POLH: variants seen among roughly 807,000 people sequenced by gnomAD.
POLH encodes the protein DNA polymerase eta.
Under a neutral mutation model 73.6 loss-of-function variants are expected in POLH, and 53 were observed. The observed-to-expected ratio is 0.72, with a 90% CI of 0.58 to 0.91. The LOEUF (loss-of-function observed/expected upper bound fraction) is 0.91, where lower values mean the gene tolerates loss of function less well. Among genes scored for constraint, POLH ranks in the 40% least tolerant of loss-of-function variants. The pLI, the probability that POLH is intolerant of heterozygous loss-of-function variation, is 0.00. For synonymous variants in POLH, 292 were observed against 308.5 expected (o/e 0.95, Z 0.56); for missense variants, 768 against 865.4 (o/e 0.89, Z 1.41).
At chr6:43,582,126 A>G (rs924889165) in intron 1 of POLH, among the ~76,000 whole-genome samples, 190 bp from the exon 2 acceptor site, 1 of 152,158 alleles carries the variant, frequency 6.6e-6, no homozygotes, top group African/African-American at 2.4e-5. Context: ...GCAAAATCTC[A>G]AGCACTTTGG....
rs766501332 is a variant in POLH, at chr6:43,583,149, A to G, written c.272+8A>G. ...GAAAGCTAACCTCACCAAGTAAGAA[A>G]AAAACATTATTTAAGGAGACATAAA... On this transcript the variant is annotated splice_region_variant and intron_variant, in intron 3 of 10. Transcript: ENST00000372236. 6.2e-7 allele frequency: 1 copy of G among 1,613,486 alleles called. No individual in the cohort carries two copies. The highest frequency in any genetic ancestry group is 2.2e-5 in the East Asian group (1 of 44,894).
intron 9 of POLH, among the ~76,000 whole-genome samples, chr6:43,607,444 C>T (rs1767429298): frequency 6.6e-6 from 1 of 152,070 alleles, no homozygotes; most frequent in African/African-American, 2.4e-5. Flanking sequence ...TTAATATATA[C>T]CATATTTTGC....
chr6:43,598,941 C>G (rs1333185232), intron 5 of POLH, among the ~76,000 whole-genome samples: 1 of 148,458 alleles, frequency 6.7e-6, no homozygotes, highest in East Asian at 2.0e-4. Flanking sequence ...AGTCTTTGCA[C>G]TTACATACAT....
rs982065916 is a variant in POLH, at chr6:43,614,724, A to C, written c.*167A>C. 4.4e-5 allele frequency: 27 copies of C among 618,742 alleles called. No homozygotes were observed. Among genetic ancestry groups the C allele is most frequent in the Non-Finnish European group, 7.2e-5 (26 of 362,426 alleles). The allele number at this position is 618,742 out of a possible 1,614,324, so 38.3% of individuals were successfully genotyped here. A position where few individuals can be genotyped will look rare whatever the true frequency, so the allele number is the denominator to read the frequency against. ...GTTACGGTCCCATCTCTTCACAGGCATGGATTCTAATCCCACTGCTGACAG... is the reference window on the plus strand; with the variant it reads ...GTTACGGTCCCATCTCTTCACAGGCCTGGATTCTAATCCCACTGCTGACAG... On this transcript the variant is annotated 3_prime_UTR_variant, in exon 11 of 11. Coordinates refer to ENST00000372236, the MANE Select transcript of POLH (RefSeq NM_006502.3).
chr6:43,578,519 T>C (rs1298647178), intron 1 of POLH: 4 of 343,380 alleles, frequency 1.2e-5, no homozygotes, highest in Non-Finnish European at 2.2e-5. Context: ...AGCGAGACTT[T>C]GTCTCAAAAA....
intron 9 of POLH, 124 bp downstream of exon 9, chr6:43,605,443 CTTTTTTTTTT>C (rs540143863): frequency 1.0e-4 from 31 of 296,264 alleles, no homozygotes; most frequent in African/African-American, 9.6e-4. Flanking sequence ...CGTTTTCTTT[CTTTTTTTTTT>C]TTTTTTTTTT....
chr6:43,591,383 G>C (rs779085784), intron 4 of POLH: 3 of 152,050 alleles, frequency 2.0e-5, no homozygotes, highest in Non-Finnish European at 4.4e-5. Flanking sequence ...GCAGTTGTGA[G>C]ATCTTGGCAC....
At position 43,614,771 on chromosome 6, in the gene POLH, CAG is replaced by C; in HGVS notation, c.*217_*218del. On this transcript the variant is annotated 3_prime_UTR_variant, in exon 11 of 11. Transcript: ENST00000372236. The stretch of plus-strand genomic sequence containing the variant: ...ACAGAGATGTAAAAATTCATCCTAC[CAG>C]AGTTTTTAATCTTTAGCATTTAGGG... 1 of 539,726 alleles carries C rather than the reference CAG, an allele frequency of 1.9e-6. No individual in the cohort carries two copies. Among genetic ancestry groups the C allele is most frequent in the Non-Finnish European group, 3.2e-6 (1 of 309,794 alleles). 33.4% of individuals were successfully genotyped at this position (539,726 alleles called of 1,614,324 possible).
Position 43,604,702 on chromosome 6 carries a change from C to T in POLH, c.972C>T (p.Asn324=). 1 of 1,614,120 alleles carries T rather than the reference C, an allele frequency of 6.2e-7. No individual in the cohort carries two copies. The highest frequency in any genetic ancestry group is 8.5e-7 in the Non-Finnish European group (1 of 1,179,988). ...CCAAAACCATTGGCTGTAGTAAGAA[C>T]TTCCCAGGAAAAACAGCTCTTGCTA... ...QLPKTIGCSK[N]FPGKTALATR... The change falls in exon 8 of 11, where the codon AAC becomes AAT. Residue 324 remains asparagine (N), a synonymous_variant. Coordinates refer to ENST00000372236, the MANE Select transcript of POLH (RefSeq NM_006502.3).
chr6:43,614,727 G>C lies in POLH; in HGVS notation c.*170G>C. 1 of 608,972 alleles carries C rather than the reference G, an allele frequency of 1.6e-6. No homozygotes were observed. 37.7% of individuals were successfully genotyped at this position (608,972 alleles called of 1,614,324 possible). On this transcript the variant is annotated 3_prime_UTR_variant, in exon 11 of 11. Coordinates refer to ENST00000372236, the MANE Select transcript of POLH (RefSeq NM_006502.3). ...ACGGTCCCATCTCTTCACAGGCATG[G>C]ATTCTAATCCCACTGCTGACAGAGA...
In POLH at chr6:43,620,143, C is replaced by G. The variant is rs370915124; in HGVS notation, c.*5586C>G. 16 of 416,094 alleles carry G rather than the reference C, an allele frequency of 3.8e-5. No homozygotes were observed. The highest frequency in any genetic ancestry group is 2.3e-4 in the South Asian group (13 of 55,596). 25.8% of individuals were successfully genotyped at this position (416,094 alleles called of 1,614,324 possible). A position where few individuals can be genotyped will look rare whatever the true frequency, so the allele number is the denominator to read the frequency against. On this transcript the variant is annotated 3_prime_UTR_variant, in exon 11 of 11. Coordinates refer to ENST00000372236, the MANE Select transcript of POLH (RefSeq NM_006502.3). Reference sequence around the variant, plus strand: ...CCTTTTGTCTCTAAATTCTACTCTTCTTTAAGTAGCTGGCACTGTATCTCT... The same window carrying G: ...CCTTTTGTCTCTAAATTCTACTCTTGTTTAAGTAGCTGGCACTGTATCTCT...
chr6:43,604,417 T>C (rs1307446595), intron 7 of POLH, among the ~76,000 whole-genome samples, 198 bp from the exon 8 acceptor site: 1 of 152,158 alleles, frequency 6.6e-6, no homozygotes, highest in African/African-American at 2.4e-5. Flanking sequence ...AAAACCAGTG[T>C]TCTCATTGTC....
At chr6:43,579,810 A>C (rs907500468) in intron 1 of POLH, among the ~76,000 whole-genome samples, 4 of 152,096 alleles carry the variant, frequency 2.6e-5, no homozygotes, top group Non-Finnish European at 4.4e-5. Flanking sequence ...TCTGCTGCAG[A>C]ATTGATTGCT....
chr6:43,586,966 C>T (rs1033963060), intron 3 of POLH, among the ~76,000 whole-genome samples: 1 of 152,056 alleles, frequency 6.6e-6, no homozygotes, highest in Non-Finnish European at 1.5e-5. Flanking sequence ...AAATTTGAGG[C>T]ATTTCTTTAT....
chr6:43,597,413 C>T (rs1246313172), intron 4 of POLH, among the ~76,000 whole-genome samples: 1 of 152,098 alleles, frequency 6.6e-6, no homozygotes, highest in African/African-American at 2.4e-5. Context: ...CCGTGCCTGG[C>T]CAAAAATGTG....
At chr6:43,581,102 C>T (rs1241995372) in intron 1 of POLH, among the ~76,000 whole-genome samples, 5 of 135,630 alleles carry the variant, frequency 3.7e-5, no homozygotes, top group Non-Finnish European at 6.4e-5. Context: ...TCAGACGGGG[C>T]AGCTGCCGGG....
Position 43,595,166 on chromosome 6 carries a change from G to GT in POLH, c.491-2521dup, listed in dbSNP as rs896459663. ...CCAAAAGACAGGTTTTTTTTTTTTA[G>GT]TTTTTTTTTCTTTTTTGAGGTGGAG... On this transcript the variant is annotated intron_variant, in intron 4 of 10. Transcript: ENST00000372236. 4.5e-4 allele frequency among the ~76,000 whole-genome samples: 68 copies of GT among 149,714 alleles called. 1 individual carries two copies. In the East Asian group the frequency reaches 0.011, roughly 24 times the overall value.
At chr6:43,577,940 C>G (rs996516399) in intron 1 of POLH, among the ~76,000 whole-genome samples, 28 of 151,892 alleles carry the variant, frequency 1.8e-4, no homozygotes, top group African/African-American at 5.8e-4. Flanking sequence ...AAAAATTAGC[C>G]GGGCGGGGTG....
Position 43,617,088 on chromosome 6 carries a change from G to C in POLH, c.*2531G>C, listed in dbSNP as rs1768396954. Among the ~76,000 whole-genome samples the C allele has an allele frequency of 6.6e-6, 1 of 152,100 alleles. No individual in the cohort carries two copies. Among genetic ancestry groups the C allele is most frequent in the Non-Finnish European group, 1.5e-5 (1 of 68,008 alleles). On this transcript the variant is annotated 3_prime_UTR_variant, in exon 11 of 11. Transcript: ENST00000372236. ...GCGTGTAATCCCAGCTAGTTGGGAGGCTGAGGCAGGAGAATCACTTGAACC... is the reference window on the plus strand; with the variant it reads ...GCGTGTAATCCCAGCTAGTTGGGAGCCTGAGGCAGGAGAATCACTTGAACC...
Sources: gnomAD v4.1 joint callset for allele counts (sites outside exome capture counted in the v4.1 genomes callset) on GRCh38, gnomAD v4.1.1 for gene constraint, MANE v1.5 for transcripts, NCBI Gene and HGNC (gene_info 2026-07-23, HGNC 2026-07-21) for gene names.